ELF1: variants seen among roughly 807,000 people sequenced by gnomAD.
ELF1 encodes the protein ETS-related transcription factor Elf-1.
ELF1 carries 24 observed loss-of-function variants against 59.9 expected under a neutral mutation model. The ratio of observed to expected loss-of-function variants is 0.40; its 90% CI spans 0.29 to 0.56. ELF1 has a LOEUF of 0.56. ELF1 is among the 20% of genes least tolerant of loss of function. The pLI is 0.44. For missense variants in ELF1, 627 were observed against 742.2 expected, an observed-to-expected ratio of 0.84 and a Z score of 1.80; for synonymous variants, 248 against 266.2, an observed-to-expected ratio of 0.93 and a Z score of 0.67.
chr13:40,934,416 CTTTTTTTTTTTTT>C (rs10692930), intron 8 of ELF1, among the ~76,000 whole-genome samples: 13 of 102,474 alleles, frequency 1.3e-4, no homozygotes, highest in East Asian at 2.7e-4. Flanking sequence ...TTCATTCCTG[CTTTTTTTTTTTTT>C]TTTTTTTTTT....
intron 1 of ELF1, among the ~76,000 whole-genome samples, chr13:41,037,465 TC>T (rs1232867719): frequency 1.6e-4 from 24 of 152,170 alleles, no homozygotes; most frequent in Non-Finnish European, 2.6e-4. Context: ...TTCTATAACA[TC>T]CCAAACCTCA....
intron 1 of ELF1, among the ~76,000 whole-genome samples, chr13:41,030,407 G>C (rs1011448266): frequency 6.6e-6 from 1 of 151,992 alleles, no homozygotes; most frequent in East Asian, 1.9e-4. Flanking sequence ...ACCCTGATTA[G>C]GTAAAGTTTA....
upstream of ELF1, among the ~76,000 whole-genome samples, chr13:41,023,074 G>A (rs552827767): frequency 1.1e-4 from 17 of 152,136 alleles, no homozygotes; most frequent in Admixed American, 2.0e-4. Flanking sequence ...AAGCTTTCAT[G>A]GCTGCTCATG....
At chr13:40,990,673 A>C (rs766785685) in intron 1 of ELF1, among the ~76,000 whole-genome samples, 8 of 151,842 alleles carry the variant, frequency 5.3e-5, no homozygotes, top group Non-Finnish European at 1.2e-4. Flanking sequence ...TGGGCAACAT[A>C]GTGAAATCCC....
intron 1 of ELF1, among the ~76,000 whole-genome samples, chr13:40,988,161 T>TA (rs1873655286): frequency 6.6e-6 from 1 of 152,236 alleles, no homozygotes; most frequent in Non-Finnish European, 1.5e-5. Flanking sequence ...GGTATGAAGA[T>TA]AAACTGCACA....
intron 1 of ELF1, among the ~76,000 whole-genome samples, chr13:41,053,606 C>T (rs988297543): frequency 1.3e-5 from 2 of 152,140 alleles, no homozygotes; most frequent in Non-Finnish European, 2.9e-5. Context: ...TAAATGGCTA[C>T]CCCACCCCTT....
chr13:41,028,158 TAATGATTCCATG>T (rs1269666389), intron 1 of ELF1, among the ~76,000 whole-genome samples: 1 of 152,132 alleles, frequency 6.6e-6, no homozygotes, highest in Non-Finnish European at 1.5e-5. Flanking sequence ...GGAAACACAA[TAATGATTCCATG>T]GAACTGGAGT....
Position 40,949,790 on chromosome 13 carries a change from A to T in ELF1, c.529+16T>A, listed in dbSNP as rs369207788. On this transcript the variant is annotated intron_variant, in intron 5 of 8. Coordinates refer to ENST00000239882, the MANE Select transcript of ELF1 (RefSeq NM_172373.4). ...CAAGACTTGACTATGCGCCCTAAAC[A>T]AAGTAACCCACCTACCTTTTTTCCT... 1.2e-6 allele frequency: 2 copies of T among 1,613,290 alleles called. No homozygotes were observed. The highest frequency in any genetic ancestry group is 8.5e-7 in the Non-Finnish European group (1 of 1,179,604).
At chr13:41,052,676 A>G (rs2138436130) in intron 1 of ELF1, among the ~76,000 whole-genome samples, 1 of 152,260 alleles carries the variant, frequency 6.6e-6, no homozygotes, top group Middle Eastern at 3.4e-3. Flanking sequence ...TGATCATGAC[A>G]CAGCACTCCA....
chr13:40,978,769 T>A (rs1361984114), intron 2 of ELF1, among the ~76,000 whole-genome samples: 4 of 151,390 alleles, frequency 2.6e-5, no homozygotes, highest in Non-Finnish European at 5.9e-5. Context: ...TAGTAAAATG[T>A]CATTTCCACC....
intron 5 of ELF1, among the ~76,000 whole-genome samples, chr13:40,944,624 A>C (rs1327238308): frequency 6.6e-6 from 1 of 152,198 alleles, no homozygotes; most frequent in Non-Finnish European, 1.5e-5. Flanking sequence ...ACTATTCTAA[A>C]GCCGTATTTG....
At chr13:40,945,264 C>G (rs1870435493) in intron 5 of ELF1, among the ~76,000 whole-genome samples, 1 of 152,166 alleles carries the variant, frequency 6.6e-6, no homozygotes, top group South Asian at 2.1e-4. Context: ...AACTCCCAAC[C>G]CAGTATCCAT....
At chr13:41,060,425 G>T (rs185540325) in intron 1 of ELF1, among the ~76,000 whole-genome samples, 1 of 152,308 alleles carries the variant, frequency 6.6e-6, no homozygotes, top group East Asian at 1.9e-4. Flanking sequence ...CACCTCCCGG[G>T]CGTCTGGAAA....
intron 1 of ELF1, among the ~76,000 whole-genome samples, chr13:41,048,716 G>C (rs1876962924): frequency 6.6e-6 from 1 of 151,358 alleles, no homozygotes; most frequent in African/African-American, 2.4e-5. Context: ...CCTAGCCGAA[G>C]GTATTTTTTT....
chr13:41,026,600 A>G (rs1043360911), intron 1 of ELF1, among the ~76,000 whole-genome samples: 4 of 152,172 alleles, frequency 2.6e-5, no homozygotes, highest in African/African-American at 9.7e-5. Flanking sequence ...CCTTGCCATC[A>G]ACTGCAGATA....
At chr13:41,053,033 T>C (rs575896957) in intron 1 of ELF1, among the ~76,000 whole-genome samples, 108 of 152,202 alleles carry the variant, frequency 7.1e-4, no homozygotes, top group African/African-American at 2.4e-3. Flanking sequence ...CACTACATTT[T>C]TCAGAACTGA....
At chr13:40,999,216 C>T (rs1005960525) in intron 1 of ELF1, among the ~76,000 whole-genome samples, 4 of 151,930 alleles carry the variant, frequency 2.6e-5, no homozygotes, top group Non-Finnish European at 5.9e-5. Flanking sequence ...GCAACAAGAC[C>T]GAGAGAAGCA....
intron 2 of ELF1, 110 bp downstream of exon 2, chr13:40,981,873 T>C (rs1227213376): frequency 2.4e-6 from 3 of 1,233,506 alleles, no homozygotes; most frequent in Non-Finnish European, 2.2e-6. Context: ...CTATAAATTT[T>C]TACTTTCAAT....
chr13:40,950,541 C>T (rs914978917), intron 4 of ELF1, among the ~76,000 whole-genome samples: 1 of 152,020 alleles, frequency 6.6e-6, no homozygotes, highest in Non-Finnish European at 1.5e-5. Flanking sequence ...CCATTCCCTC[C>T]AGCTTGAATG....
Sources: allele counts gnomAD v4.1 joint callset (sites outside exome capture counted in the v4.1 genomes callset), GRCh38; gene constraint gnomAD v4.1.1; transcripts MANE v1.5; gene names NCBI Gene and HGNC (gene_info 2026-07-23, HGNC 2026-07-21).